The following CFAP299 variants were observed in gnomAD, a reference collection of about 807,000 sequenced individuals.
CFAP299 encodes cilia- and flagella-associated protein 299.
A neutral mutation model predicts 27.0 loss-of-function variants in CFAP299; 21 were observed. The ratio of observed to expected loss-of-function variants is 0.78; its 90% confidence interval spans 0.55 to 1.12. The LOEUF (loss-of-function observed/expected upper bound fraction) is 1.12. Ranked by LOEUF, CFAP299 falls within the 50% of genes most tolerant of loss-of-function variation. The probability of loss-of-function intolerance (pLI) is 0.00; values close to 1 mark genes in which losing one functional copy is unlikely to be tolerated. For missense variants in CFAP299, 310 were observed against 276.6 expected (o/e 1.12, Z -0.86); for synonymous variants, 104 against 98.1 (o/e 1.06, Z -0.36).
In CFAP299 at chr4:80,335,813, T is replaced by C; in HGVS notation, c.45T>C (p.Thr15=). 1.2e-6 allele frequency: 2 copies of C among 1,613,898 alleles called. No homozygotes were observed. Among genetic ancestry groups the C allele is most frequent in the Non-Finnish European group, 1.7e-6 (2 of 1,179,750 alleles). Residue 15 remains threonine, a synonymous_variant, in exon 1 of 6, where the codon ACT becomes ACC. Transcript: ENST00000358105. ...EGLKALDNIV[T]QFNAYEDFLD... ...TGAAGGCCTTGGACAATATTGTCAC[T>C]CAATTCAACGCCTATGAAGATTTCC... is the stretch of plus-strand genomic sequence containing the variant.
intron 3 of CFAP299, among the ~76,000 whole-genome samples, chr4:80,588,897 A>C (rs1185687504): frequency 6.6e-6 from 1 of 152,216 alleles, no homozygotes; most frequent in African/African-American, 2.4e-5. Flanking sequence ...TCCACTTTAT[A>C]GATGAGAATT....
intron 4 of CFAP299, among the ~76,000 whole-genome samples, chr4:80,912,970 G>C (rs1271924226): frequency 6.6e-6 from 1 of 152,046 alleles, no homozygotes; most frequent in Admixed American, 6.6e-5. Flanking sequence ...CAGAGGTCTT[G>C]GTCCACTCTG....
In CFAP299 at chr4:80,944,865, G is replaced by A. The variant is rs1560487368; in HGVS notation, c.532G>A (p.Val178Met). 6.2e-7 allele frequency: 1 copy of A among 1,612,124 alleles called. No individual in the cohort carries two copies. The change falls in exon 5 of 6, where the codon GTG (valine) becomes ATG (methionine). Residue 178 changes from valine (V) to methionine (M), a missense_variant. Val to Met is a conservative substitution (Grantham distance 21). Coordinates refer to ENST00000358105, the MANE Select transcript of CFAP299 (RefSeq NM_152770.3). ...AVSNSSPNYQ[V>M]IADNPEGLLF... Reference sequence around the variant, plus strand: ...TAGTAATTCAAGTCCCAACTATCAAGTGATTGCCGATAATCCAGAAGGCTT... The same window carrying A: ...TAGTAATTCAAGTCCCAACTATCAAATGATTGCCGATAATCCAGAAGGCTT...
At chr4:80,322,955 CA>C in the CFAP299 span, among the ~76,000 whole-genome samples, 3 of 152,244 alleles carry the variant, frequency 2.0e-5, no homozygotes, top group African/African-American at 7.2e-5. Flanking sequence ...GTGCCACCCA[CA>C]GGAAGTTGAG....
chr4:80,961,277 C>T lies in CFAP299; in HGVS notation c.607-2240C>T, dbSNP rs145956360. ...AGAATAAAATGTTGTTTATATTAAACCTAACACTGATAAATCATAGAATAT... is the reference window on the plus strand; with the variant it reads ...AGAATAAAATGTTGTTTATATTAAATCTAACACTGATAAATCATAGAATAT... On this transcript the variant is annotated intron_variant, in intron 5 of 5. Transcript: ENST00000358105. 4.0e-3 allele frequency among the ~76,000 whole-genome samples: 602 copies of T among 151,618 alleles called. 1 individual carries two copies. Among genetic ancestry groups the T allele is most frequent in the Non-Finnish European group, 6.0e-3 (406 of 67,678 alleles).
intron 3 of CFAP299, among the ~76,000 whole-genome samples, chr4:80,617,232 G>T (rs891086845): frequency 1.3e-5 from 2 of 152,080 alleles, no homozygotes; most frequent in African/African-American, 4.8e-5. Context: ...GTTCTGAATG[G>T]GAAAATTTGG....
At chr4:80,633,964 C>T (rs1429268060) in intron 3 of CFAP299, among the ~76,000 whole-genome samples, 2 of 149,574 alleles carry the variant, frequency 1.3e-5, no homozygotes, top group Non-Finnish European at 3.0e-5. Flanking sequence ...AGTAAACTCT[C>T]GCTTCCTGAG....
At chr4:80,899,168 A>C (rs1734759160) in intron 4 of CFAP299, among the ~76,000 whole-genome samples, 1 of 152,206 alleles carries the variant, frequency 6.6e-6, no homozygotes, top group African/African-American at 2.4e-5. Context: ...ATTTTATGAG[A>C]TAATATATGT....
intron 3 of CFAP299, among the ~76,000 whole-genome samples, chr4:80,709,062 A>G (rs1721986687): frequency 6.6e-6 from 1 of 152,170 alleles, no homozygotes; most frequent in South Asian, 2.1e-4. Context: ...ACTTTTCTCA[A>G]TAGTTGGAAA....
chr4:80,792,022 T>C (rs1489507051), intron 3 of CFAP299, among the ~76,000 whole-genome samples: 2 of 146,048 alleles, frequency 1.4e-5, no homozygotes, highest in Admixed American at 6.7e-5. Flanking sequence ...TAATTCAATG[T>C]TATAATAAAA....
chr4:80,526,851 A>G (rs1373609843), intron 2 of CFAP299, among the ~76,000 whole-genome samples: 2 of 152,156 alleles, frequency 1.3e-5, no homozygotes, highest in East Asian at 1.9e-4. Flanking sequence ...CCTAATATCT[A>G]TTTCTTGAAC....
Position 80,387,183 on chromosome 4 carries a change from G to A in CFAP299, c.242+24299G>A, listed in dbSNP as rs926552859. 14 of 1,346,410 alleles carry A rather than the reference G, an allele frequency of 1.0e-5. No individual in the cohort carries two copies. The African/African-American group carries it at 1.6e-4, about 15-fold the overall frequency. 83.4% of individuals were successfully genotyped at this position (1,346,410 alleles called of 1,614,324 possible). ...TTCTTGGGGCTGTGCTGTGGAAGGA[G>A]GCTGTGGGAGTACTGGTGCACGCTC... is the stretch of plus-strand genomic sequence containing the variant. On this transcript the variant is annotated intron_variant, in intron 2 of 5. Transcript: ENST00000358105.
intron 2 of CFAP299, among the ~76,000 whole-genome samples, chr4:80,581,453 G>GATT (rs1553936102): frequency 4.9e-5 from 5 of 103,032 alleles, no homozygotes; most frequent in African/African-American, 1.9e-4. Context: ...TATTAAGTGA[G>GATT]ATATATATAT....
intron 2 of CFAP299, among the ~76,000 whole-genome samples, chr4:80,416,981 A>ATGGC (rs1245751215): frequency 6.6e-6 from 1 of 152,206 alleles, no homozygotes; most frequent in Non-Finnish European, 1.5e-5. Flanking sequence ...GGAACAAGGA[A>ATGGC]TGGCTACTCC....
intron 1 of CFAP299, among the ~76,000 whole-genome samples, chr4:80,347,241 T>G (rs1722775885): frequency 6.6e-6 from 1 of 152,196 alleles, no homozygotes; most frequent in Non-Finnish European, 1.5e-5. Context: ...TGACTTCTTC[T>G]TTTCCTATTT....
At chr4:80,858,830 T>A (rs1309830458) in intron 3 of CFAP299, among the ~76,000 whole-genome samples, 1 of 152,138 alleles carries the variant, frequency 6.6e-6, no homozygotes, top group African/African-American at 2.4e-5. Context: ...TACTTCCAAC[T>A]ATGTGGTCAA....
intron 4 of CFAP299, among the ~76,000 whole-genome samples, chr4:80,876,404 C>T (rs1733378962): frequency 6.6e-6 from 1 of 152,056 alleles, no homozygotes; most frequent in Non-Finnish European, 1.5e-5. Flanking sequence ...ACTGGCATTT[C>T]CCCTGCTGGC....
Position 80,464,768 on chromosome 4 carries a change from A to G in CFAP299, c.242+101884A>G, listed in dbSNP as rs927132869. 3.3e-5 allele frequency among the ~76,000 whole-genome samples: 5 copies of G among 152,244 alleles called. No homozygotes were observed. In the East Asian group the frequency reaches 5.8e-4, roughly 18 times the overall value. On this transcript the variant is annotated intron_variant, in intron 2 of 5. Coordinates refer to ENST00000358105, the MANE Select transcript of CFAP299 (RefSeq NM_152770.3). ...ATTTTATAGCTTCTTGTACCTTGTC[A>G]TAATATTTTGACATCTAGTGAGCTT...
intron 3 of CFAP299, among the ~76,000 whole-genome samples, chr4:80,645,435 G>C (rs1301377915): frequency 6.6e-6 from 1 of 152,024 alleles, no homozygotes; most frequent in Non-Finnish European, 1.5e-5. Context: ...AAAAGTATCT[G>C]TTAATACTCT....
Sources: gnomAD v4.1 joint callset for allele counts (sites outside exome capture counted in the v4.1 genomes callset) on GRCh38, gnomAD v4.1.1 for gene constraint, MANE v1.5 for transcripts, NCBI Gene and HGNC (gene_info 2026-07-23, HGNC 2026-07-21) for gene names.